CFAP95: variants seen among roughly 807,000 people sequenced by gnomAD.
CFAP95 encodes the protein cilia- and flagella-associated protein 95.
the CFAP95 span, among the ~76,000 whole-genome samples, chr9:69,837,526 C>T: frequency 1.3e-5 from 2 of 152,202 alleles, no homozygotes; most frequent in East Asian, 1.9e-4. Context: ...GCATAAATGT[C>T]TTCTTTTGAG....
At chr9:69,846,192 C>A in the CFAP95 span, among the ~76,000 whole-genome samples, 2 of 152,116 alleles carry the variant, frequency 1.3e-5, no homozygotes, top group Non-Finnish European at 2.9e-5. Flanking sequence ...TAGAAATGCT[C>A]TTGGTTTCTG....
At chr9:69,878,322 T>C in the CFAP95 span, among the ~76,000 whole-genome samples, 2 of 152,174 alleles carry the variant, frequency 1.3e-5, no homozygotes, top group Non-Finnish European at 2.9e-5. Flanking sequence ...GATCTTCTGG[T>C]CTTAGACTTG....
At chr9:69,894,650 G>T in the CFAP95 span, among the ~76,000 whole-genome samples, 344 of 152,310 alleles carry the variant, frequency 2.3e-3, no homozygotes, top group African/African-American at 7.9e-3. Flanking sequence ...AACACACCAT[G>T]TAAGTGTTCA....
chr9:69,891,362 T>G, the CFAP95 span, among the ~76,000 whole-genome samples: 5 of 152,198 alleles, frequency 3.3e-5, no homozygotes, highest in African/African-American at 1.2e-4. Context: ...CTGGACTTCC[T>G]GGATGCACTA....
At chr9:69,872,832 C>T in the CFAP95 span, among the ~76,000 whole-genome samples, 1 of 152,094 alleles carries the variant, frequency 6.6e-6, no homozygotes, top group Admixed American at 6.6e-5. Flanking sequence ...GCTGTATATA[C>T]AAAGCGACCC....
the CFAP95 span, among the ~76,000 whole-genome samples, chr9:69,841,225 GGCC>G: frequency 7.2e-5 from 8 of 110,364 alleles, no homozygotes; most frequent in African/African-American, 2.6e-4. Context: ...TTATTTTGTA[GGCC>G]TCTAGAAGTA....
the CFAP95 span, among the ~76,000 whole-genome samples, chr9:69,888,707 C>T: frequency 6.6e-6 from 1 of 152,044 alleles, no homozygotes; most frequent in Admixed American, 6.6e-5. Context: ...GAAACCTTGT[C>T]TCTACTAAAA....
At chr9:69,906,046 C>T in the CFAP95 span, 2 of 1,613,340 alleles carry the variant, frequency 1.2e-6, no homozygotes, top group African/African-American at 1.3e-5. Flanking sequence ...TTGGCATCAA[C>T]ACTTGGCATG....
the CFAP95 span, among the ~76,000 whole-genome samples, chr9:69,840,279 C>G: frequency 6.6e-6 from 1 of 151,992 alleles, no homozygotes; most frequent in Non-Finnish European, 1.5e-5. Context: ...GAGAATGAGG[C>G]TATATGAAAT....
the CFAP95 span, chr9:69,902,138 A>G: frequency 1.9e-5 from 6 of 317,986 alleles, no homozygotes; most frequent in Non-Finnish European, 3.7e-5. Context: ...TTCACTATTC[A>G]GGTCAAAGGG....
chr9:69,903,194 C>G, the CFAP95 span, among the ~76,000 whole-genome samples: 1 of 152,122 alleles, frequency 6.6e-6, no homozygotes, highest in South Asian at 2.1e-4. Context: ...CAAACTGCAC[C>G]CTGGGATAGA....
At chr9:69,876,486 T>C in the CFAP95 span, among the ~76,000 whole-genome samples, 1 of 152,014 alleles carries the variant, frequency 6.6e-6, no homozygotes, top group South Asian at 2.1e-4. Context: ...TGAGCCATGA[T>C]TGTGCCACTG....
the CFAP95 span, chr9:69,885,162 G>A: frequency 6.6e-6 from 1 of 152,152 alleles, no homozygotes; most frequent in Non-Finnish European, 1.5e-5. Flanking sequence ...GTTATTTTGG[G>A]ATTCTTGTTG....
At chr9:69,895,973 T>C in the CFAP95 span, among the ~76,000 whole-genome samples, 6 of 152,192 alleles carry the variant, frequency 3.9e-5, no homozygotes, top group Non-Finnish European at 8.8e-5. Flanking sequence ...GTCTAACATT[T>C]GTTTCTAAGT....
chr9:69,848,849 T>C, the CFAP95 span, among the ~76,000 whole-genome samples: 15 of 152,078 alleles, frequency 9.9e-5, no homozygotes, highest in Non-Finnish European at 2.9e-5. Flanking sequence ...GGGACAAAAG[T>C]AGCCAGAGAA....
the CFAP95 span, among the ~76,000 whole-genome samples, chr9:69,900,980 A>G: frequency 6.6e-6 from 1 of 151,990 alleles, no homozygotes; most frequent in Non-Finnish European, 1.5e-5. Flanking sequence ...CTCATCATTT[A>G]CATTAGGTAT....
At chr9:69,836,925 C>T in the CFAP95 span, among the ~76,000 whole-genome samples, 15 of 142,002 alleles carry the variant, frequency 1.1e-4, no homozygotes, top group African/African-American at 2.6e-4. Flanking sequence ...GTTCCCCTTC[C>T]TGTGTCCATG....
At chr9:69,839,608 A>G in the CFAP95 span, among the ~76,000 whole-genome samples, 2 of 150,812 alleles carry the variant, frequency 1.3e-5, no homozygotes, top group African/African-American at 4.9e-5. Flanking sequence ...CTGTATTTTT[A>G]GTAGAGACGG....
the CFAP95 span, among the ~76,000 whole-genome samples, chr9:69,860,573 C>T: frequency 6.7e-5 from 10 of 149,316 alleles, no homozygotes; most frequent in Middle Eastern, 3.5e-3. Flanking sequence ...TTTACCTTAG[C>T]TTGTGGCACC....
Sources: allele counts gnomAD v4.1 joint callset (sites outside exome capture counted in the v4.1 genomes callset), GRCh38; gene constraint gnomAD v4.1.1; transcripts MANE v1.5; gene names NCBI Gene and HGNC (gene_info 2026-07-23, HGNC 2026-07-21).